Variants in PCIF1 observed in about 807,000 individuals in gnomAD.
PCIF1 encodes mRNA (2'-O-methyladenosine-N(6)-)-methyltransferase.
Under a neutral mutation model 86.9 loss-of-function variants are expected in PCIF1, and 12 were observed. The observed-to-expected ratio is 0.14, with a 90% CI of 0.09 to 0.22. The LOEUF (loss-of-function observed/expected upper bound fraction) is 0.22. Ranked by LOEUF, PCIF1 falls within the 10% of genes least tolerant of loss-of-function variation. The pLI is 1.00. For synonymous variants in PCIF1, 397 were observed against 372.0 expected (o/e 1.07, Z -0.77); for missense variants, 701 against 951.1 (o/e 0.74, Z 3.46).
intron 4 of PCIF1, among the ~76,000 whole-genome samples, 154 bp downstream of exon 4, chr20:45,939,493 G>C (rs1600502369): frequency 6.6e-6 from 1 of 152,212 alleles, no homozygotes; most frequent in Non-Finnish European, 1.5e-5. Flanking sequence ...TGCCCTCATG[G>C]AACCTACACT....
At chr20:45,936,826 G>A (rs997698029) in intron 1 of PCIF1, among the ~76,000 whole-genome samples, 13 of 152,152 alleles carry the variant, frequency 8.5e-5, no homozygotes, top group African/African-American at 2.9e-4. Context: ...CTACTGAGAG[G>A]CTGACACAGG....
In PCIF1 at chr20:45,943,743, C is replaced by A. The variant is rs867748130; in HGVS notation, c.983C>A (p.Ser328Ter). 6.4e-7 allele frequency: 1 copy of A among 1,557,890 alleles called. No individual in the cohort carries two copies. The change falls in exon 10 of 17, where the codon TCA becomes TAA. Residue 328 changes from serine to a stop codon, truncating the protein, a stop_gained. Coordinates refer to ENST00000372409, the MANE Select transcript of PCIF1 (RefSeq NM_022104.4). LOFTEE classifies it high-confidence loss of function. This position sits in a 1 kb window ranked among gnomAD's most constrained non-coding sequence, Gnocchi z 5.5. ...TTTAGCTGGCTTCGGAAGGACCACT[C>A]AGCCTCCAAGGAGGACTACATGGTG... is the stretch of plus-strand genomic sequence containing the variant. ...DTFSWLRKDH[S>*]ASKEDYMDRL...
rs376738399 is a variant in PCIF1, at chr20:45,940,901, T to A, written c.480T>A (p.Pro160=). 5.6e-6 allele frequency: 9 copies of A among 1,614,104 alleles called. No individual in the cohort carries two copies. The highest frequency in any genetic ancestry group is 1.3e-5 in the African/African-American group (1 of 75,034). ...TPTLKMWGTS[P]EDKQQAALLR... is the part of the protein sequence containing the mutation. ...CGCTGAAGATGTGGGGTACGTCCCCTGAAGATAAACAGCAGGCAGCTCTCC... is the reference window on the plus strand; with the variant it reads ...CGCTGAAGATGTGGGGTACGTCCCCAGAAGATAAACAGCAGGCAGCTCTCC... The change falls in exon 6 of 17, where the codon CCT becomes CCA. Residue 160 remains proline, a synonymous_variant. Coordinates refer to ENST00000372409, the MANE Select transcript of PCIF1 (RefSeq NM_022104.4).
intron 11 of PCIF1, among the ~76,000 whole-genome samples, chr20:45,945,266 G>A (rs995417358): frequency 6.6e-6 from 1 of 152,218 alleles, no homozygotes; most frequent in African/African-American, 2.4e-5. Flanking sequence ...TCCATTCTCT[G>A]CAAGCCTTAC....
rs1259886052 is a variant in PCIF1, at chr20:45,947,469, C to G, written c.1883+31C>G. ...TGCCAGGGAGGGCAGGGGAAGGAGG[C>G]TGGGCTGGCCAGGCCAGGCCCAGCC... On this transcript the variant is annotated intron_variant, in intron 16 of 16. Transcript: ENST00000372409. The surrounding 1 kb of genome is among the most constrained non-coding windows in gnomAD (Gnocchi z 5.4). 1 of 1,613,130 alleles carries G rather than the reference C, an allele frequency of 6.2e-7. No homozygotes were observed. Among genetic ancestry groups the G allele is most frequent in the Non-Finnish European group, 8.5e-7 (1 of 1,179,878 alleles).
At position 45,943,073 on chromosome 20, in the gene PCIF1, T is replaced by C. The variant is rs1015863296; in HGVS notation, c.674-24T>C. ...GGGACTGCTTGATTAAATCCAGGCC[T>C]TCAGCAGCTCTCCTGTCCTGCAGGC... On this transcript the variant is annotated intron_variant, in intron 7 of 16. Transcript: ENST00000372409. This position sits in a 1 kb window ranked among gnomAD's most constrained non-coding sequence, Gnocchi z 5.5. 2 of 1,609,908 alleles carry C rather than the reference T, an allele frequency of 1.2e-6. No individual in the cohort carries two copies. The highest frequency in any genetic ancestry group is 2.7e-5 in the African/African-American group (2 of 74,932).
At position 45,946,380 on chromosome 20, in the gene PCIF1, C is replaced by T. The variant is rs1295835228; in HGVS notation, c.1609C>T (p.Arg537Cys). ...CGACACAGACGGCTACTTTGGCTCC[C>T]GCGGGTGAGGGCCAAGGGCTGCCCC... ...FPDTDGYFGS[R>C]GPCLDFAPLS... The change falls in exon 14 of 17, where the codon CGC (arginine) becomes TGC (cysteine). Residue 537 changes from arginine (R) to cysteine (C), a missense_variant. Arg to Cys is a radical substitution (Grantham distance 180, BLOSUM62 -3). This residue lies in a region of PCIF1 where 61 missense variants were observed against 118.5 expected (regional missense o/e 0.51). Transcript: ENST00000372409. The T allele has an allele frequency of 2.5e-6, 4 of 1,612,864 alleles. No individual in the cohort carries two copies. Among genetic ancestry groups the T allele is most frequent in the African/African-American group, 1.3e-5 (1 of 74,954 alleles).
intron 7 of PCIF1, among the ~76,000 whole-genome samples, 195 bp from the exon 8 acceptor site, chr20:45,942,902 T>C (rs1052465732): frequency 3.4e-5 from 5 of 146,182 alleles, no homozygotes; most frequent in African/African-American, 1.3e-4. Flanking sequence ...TGTGAGCCAC[T>C]ACGCCTGGCT....
chr20:45,943,585 A>G lies in PCIF1; in HGVS notation c.906-81A>G. 2 of 1,409,274 alleles carry G rather than the reference A, an allele frequency of 1.4e-6. No individual in the cohort carries two copies. 87.3% of individuals were successfully genotyped at this position (1,409,274 alleles called of 1,614,324 possible). Reference sequence around the variant, plus strand: ...GGGCTGTGATGGAAGCTAGGGGTTGATACCCAGCGAGCCCATGGAATTGGG... The same window carrying G: ...GGGCTGTGATGGAAGCTAGGGGTTGGTACCCAGCGAGCCCATGGAATTGGG... On this transcript the variant is annotated intron_variant, in intron 9 of 16. Coordinates refer to ENST00000372409, the MANE Select transcript of PCIF1 (RefSeq NM_022104.4). The surrounding 1 kb of genome is among the most constrained non-coding windows in gnomAD (Gnocchi z 5.5).
intron 2 of PCIF1, among the ~76,000 whole-genome samples, 191 bp from the exon 3 acceptor site, chr20:45,938,790 A>G (rs556868826): frequency 6.6e-6 from 1 of 152,296 alleles, no homozygotes; most frequent in East Asian, 1.9e-4. Flanking sequence ...AGGAAGCAGC[A>G]GGAGTGCACC....
At chr20:45,945,637 C>A in intron 11 of PCIF1, 74 bp from the exon 12 acceptor site, 1 of 1,542,824 alleles carries the variant, frequency 6.5e-7, no homozygotes, top group Non-Finnish European at 8.8e-7. Flanking sequence ...TCTCTCGGTA[C>A]AAAGCATGTG....
At chr20:45,936,484 C>T (rs1373451240) in intron 1 of PCIF1, among the ~76,000 whole-genome samples, 12 of 151,236 alleles carry the variant, frequency 7.9e-5, no homozygotes, top group African/African-American at 2.4e-4. Context: ...CCACCGCGCC[C>T]GGCCTCTTTT....
Position 45,945,109 on chromosome 20 carries a change from C to T in PCIF1, c.1168+79C>T, listed in dbSNP as rs1344043289. On this transcript the variant is annotated intron_variant, in intron 11 of 16. Coordinates refer to ENST00000372409, the MANE Select transcript of PCIF1 (RefSeq NM_022104.4). The stretch of plus-strand genomic sequence containing the variant: ...GATGGAAGGGACAAGTGAGACTGAG[C>T]CTCAAGGCCAGGGACTGGTTTGGGG... 3.7e-5 allele frequency: 54 copies of T among 1,461,624 alleles called. 1 individual carries two copies. Among genetic ancestry groups the T allele is most frequent in the Non-Finnish European group, 4.8e-5 (52 of 1,094,716 alleles). 90.5% of individuals were successfully genotyped at this position (1,461,624 alleles called of 1,614,324 possible). A position where few individuals can be genotyped will look rare whatever the true frequency, so the allele number is the denominator to read the frequency against.
chr20:45,942,278 CT>C (rs764329042), intron 7 of PCIF1, among the ~76,000 whole-genome samples: 357 of 118,144 alleles, frequency 3.0e-3, no homozygotes, highest in Non-Finnish European at 4.0e-3. Flanking sequence ...CCGGCCCACC[CT>C]TTTTTTTTTT....
intron 14 of PCIF1, 74 bp downstream of exon 14, chr20:45,946,458 G>A: frequency 1.3e-6 from 2 of 1,522,332 alleles, no homozygotes; most frequent in Non-Finnish European, 1.8e-6. Context: ...GCCTCTGCTG[G>A]CTGTAGTGTC....
intron 4 of PCIF1, 123 bp from the exon 5 acceptor site, chr20:45,940,352 A>G: frequency 7.9e-7 from 1 of 1,260,236 alleles, no homozygotes; most frequent in South Asian, 1.9e-5. Context: ...CTCTGCCTGT[A>G]TCCCAGCTCC....
chr20:45,938,465 T>C (rs962532438), intron 2 of PCIF1, among the ~76,000 whole-genome samples: 4 of 152,194 alleles, frequency 2.6e-5, no homozygotes, highest in African/African-American at 9.7e-5. Flanking sequence ...TGTTCTGTCT[T>C]TTTTGCTGCT....
chr20:45,945,828 G>C lies in PCIF1; in HGVS notation c.1286G>C (p.Cys429Ser), dbSNP rs777487332. The change falls in exon 12 of 17, where the codon TGC becomes TCC. Residue 429 changes from cysteine to serine, a missense_variant. Physicochemically the swap from Cys to Ser is moderately radical, Grantham distance 112 (BLOSUM62 -1). Transcript: ENST00000372409. ...ATGCACATGGAGAACAACGTGGTCT[G>C]CATCCGGTATAAGGGAGAGATGGTC... is the stretch of plus-strand genomic sequence containing the variant. ...VEMHMENNVV[C>S]IRYKGEMVKV... The C allele has an allele frequency of 6.2e-7, 1 of 1,613,844 alleles. No individual in the cohort carries two copies. Among genetic ancestry groups the C allele is most frequent in the African/African-American group, 1.3e-5 (1 of 75,056 alleles).
rs1159533203 is a variant in PCIF1 at position 45,947,460 on chromosome 20, G to C, written c.1883+22G>C. On this transcript the variant is annotated intron_variant, in intron 16 of 16. Transcript: ENST00000372409. This position sits in a 1 kb window ranked among gnomAD's most constrained non-coding sequence, Gnocchi z 5.4. ...AGAAGTGGGTGCCAGGGAGGGCAGG[G>C]GAAGGAGGCTGGGCTGGCCAGGCCA... 1 of 1,613,578 alleles carries C rather than the reference G, an allele frequency of 6.2e-7. No homozygotes were observed. Among genetic ancestry groups the C allele is most frequent in the Non-Finnish European group, 8.5e-7 (1 of 1,179,952 alleles).
Sources: allele counts gnomAD v4.1 joint callset (sites outside exome capture counted in the v4.1 genomes callset), GRCh38; gene constraint gnomAD v4.1.1; regional missense constraint gnomAD v4.1.1; non-coding constraint Gnocchi (gnomAD v3.1); transcripts MANE v1.5; gene names NCBI Gene and HGNC (gene_info 2026-07-23, HGNC 2026-07-21).